PARL: variants seen among roughly 807,000 people sequenced by gnomAD.
PARL encodes presenilin associated rhomboid like.
PARL carries 44 observed loss-of-function variants against 51.6 expected under a neutral mutation model. The observed-to-expected ratio is 0.85, with a 90% CI of 0.67 to 1.10. The LOEUF is 1.10. Among genes scored for constraint, PARL ranks in the 50% least tolerant of loss-of-function variants. The pLI is 0.00. For synonymous variants in PARL, 172 were observed against 164.0 expected, an observed-to-expected ratio of 1.05 and a Z score of -0.37; for missense variants, 441 against 469.5, an observed-to-expected ratio of 0.94 and a Z score of 0.56.
rs140320037 is a variant in PARL at position 183,838,519 on chromosome 3, G to A, written c.828+2051C>T. Among the ~76,000 whole-genome samples, 59 of 152,148 alleles carry A rather than the reference G, an allele frequency of 3.9e-4. 1 individual carries two copies. The highest frequency in any genetic ancestry group is 1.0e-3 in the South Asian group (5 of 4,806). On this transcript the variant is annotated intron_variant, in intron 7 of 9. Transcript: ENST00000317096. ...TTTGGGGATAATGTTATCCTACCACGGCGCTGTAGGATTTTGATGACTGAA... is the reference window on the plus strand; with the variant it reads ...TTTGGGGATAATGTTATCCTACCACAGCGCTGTAGGATTTTGATGACTGAA...
At chr3:183,877,804 CT>C (rs35496459) in intron 1 of PARL, among the ~76,000 whole-genome samples, 72,272 of 146,656 alleles carry the variant, frequency 0.49, 17,614 homozygotes, top group Middle Eastern at 0.57. Context: ...TAATTTATTA[CT>C]TTTTTTTTTT....
intron 7 of PARL, among the ~76,000 whole-genome samples, chr3:183,838,925 T>C (rs572431558): frequency 2.0e-5 from 3 of 152,330 alleles, no homozygotes; most frequent in Admixed American, 6.5e-5. Flanking sequence ...TTTCAGTGTG[T>C]ATTAGATGTG....
At chr3:183,853,424 C>T (rs1012248068) in intron 4 of PARL, among the ~76,000 whole-genome samples, 21 of 152,074 alleles carry the variant, frequency 1.4e-4, no homozygotes, top group South Asian at 2.1e-4. Flanking sequence ...ATTAGCCAGG[C>T]GTGGTGGCAC....
chr3:183,876,024 C>T (rs1174718732), intron 1 of PARL, among the ~76,000 whole-genome samples: 1 of 152,224 alleles, frequency 6.6e-6, no homozygotes, highest in South Asian at 2.1e-4. Context: ...TTTACAGCAT[C>T]GTTTATGGAA....
At chr3:183,860,011 A>G (rs1045521059) in intron 4 of PARL, among the ~76,000 whole-genome samples, 1 of 152,142 alleles carries the variant, frequency 6.6e-6, no homozygotes, top group Non-Finnish European at 1.5e-5. Context: ...AAAGCTTTAA[A>G]AACTCTCTAG....
In PARL at chr3:183,869,545, T is replaced by C. The variant is rs1043756872; in HGVS notation, c.126-1485A>G. 3.3e-5 allele frequency among the ~76,000 whole-genome samples: 5 copies of C among 152,044 alleles called. No individual in the cohort carries two copies. In the East Asian group the frequency reaches 7.7e-4, roughly 23 times the overall value. On this transcript the variant is annotated intron_variant, in intron 1 of 9. Coordinates refer to ENST00000317096, the MANE Select transcript of PARL (RefSeq NM_018622.7). ...TATAAGGGATAATAATGTATATTAT[T>C]ATTATTAAGGGATATTATGATATCC...
At chr3:183,838,477 A>G (rs531722786) in intron 7 of PARL, among the ~76,000 whole-genome samples, 1 of 152,314 alleles carries the variant, frequency 6.6e-6, no homozygotes, top group East Asian at 1.9e-4. Context: ...AATTTTAATC[A>G]CAGATTCATT....
intron 1 of PARL, among the ~76,000 whole-genome samples, chr3:183,882,273 A>G (rs1211241057): frequency 1.9e-5 from 2 of 107,610 alleles, no homozygotes; most frequent in Non-Finnish European, 3.8e-5. Flanking sequence ...ATATATTTAT[A>G]TATATATATA....
intron 7 of PARL, among the ~76,000 whole-genome samples, chr3:183,834,297 G>A (rs187495739): frequency 1.3e-5 from 2 of 152,348 alleles, no homozygotes; most frequent in Admixed American, 6.5e-5. Context: ...GCTCACGCCT[G>A]TAATTCCAGC....
downstream of PARL, chr3:183,826,757 G>C: frequency 1.0e-6 from 1 of 985,426 alleles, no homozygotes. Flanking sequence ...ACAGGGGCCG[G>C]GTCAGAGTGA....
chr3:183,868,616 C>G (rs1732810076), intron 1 of PARL, among the ~76,000 whole-genome samples: 1 of 152,050 alleles, frequency 6.6e-6, no homozygotes, highest in Non-Finnish European at 1.5e-5. Flanking sequence ...GCCATGTTGC[C>G]CAAGCTAGTC....
chr3:183,884,815 C>T lies in PARL; in HGVS notation c.32G>A (p.Trp11Ter). Residue 11 changes from tryptophan to a stop codon, truncating the protein, a stop_gained, in exon 1 of 10, where the codon TGG becomes TAG. Transcript: ENST00000317096. LOFTEE classifies it high-confidence loss of function. ...CGCACCCCACGCCTGGCCGCAGCCC[C>T]AGCCTCTCTGCGCCCAGCCTCGCCA... MAWRGWAQRGWGCGQAWGASV... is the reference protein window; with the variant it reads MAWRGWAQRG 6.3e-7 allele frequency: 1 copy of T among 1,597,526 alleles called. No individual in the cohort carries two copies. The highest frequency in any genetic ancestry group is 8.5e-7 in the Non-Finnish European group (1 of 1,178,904).
chr3:183,883,605 C>T (rs1734800026), intron 1 of PARL: 1 of 985,190 alleles, frequency 1.0e-6, no homozygotes, highest in Admixed American at 6.2e-5. Context: ...TTAAACCATG[C>T]AATCTCAAAT....
At chr3:183,844,967 T>C (rs1160167289) in intron 4 of PARL, among the ~76,000 whole-genome samples, 2 of 152,270 alleles carry the variant, frequency 1.3e-5, no homozygotes, top group Non-Finnish European at 2.9e-5. Context: ...TTCGATAATA[T>C]AATTAACTTG....
At chr3:183,878,068 G>A (rs1734046660) in intron 1 of PARL, among the ~76,000 whole-genome samples, 1 of 152,204 alleles carries the variant, frequency 6.6e-6, no homozygotes, top group Admixed American at 6.5e-5. Context: ...TGGGATTACA[G>A]GCGTGAGCCA....
At chr3:183,858,489 G>A (rs965301600) in intron 4 of PARL, among the ~76,000 whole-genome samples, 3 of 152,152 alleles carry the variant, frequency 2.0e-5, no homozygotes, top group African/African-American at 4.8e-5. Context: ...GTTTTCTTGC[G>A]ATCTCTCTCC....
At chr3:183,845,753 A>C (rs1729874403) in intron 4 of PARL, among the ~76,000 whole-genome samples, 1 of 152,316 alleles carries the variant, frequency 6.6e-6, no homozygotes, top group East Asian at 1.9e-4. Flanking sequence ...GGTTTACCCT[A>C]TAGGAAGAGA....
intron 1 of PARL, among the ~76,000 whole-genome samples, chr3:183,872,253 C>T (rs955409618): frequency 3.7e-4 from 56 of 152,256 alleles, no homozygotes; most frequent in African/African-American, 1.3e-3. Flanking sequence ...CCACCCGCCT[C>T]GGCCTCCCAA....
At chr3:183,856,411 C>T (rs1028737066) in intron 4 of PARL, 1 of 152,496 alleles carries the variant, frequency 6.6e-6, no homozygotes, top group Non-Finnish European at 1.5e-5. Flanking sequence ...AGCCAAAGAA[C>T]TAGGCTCAAG....
Sources: allele counts gnomAD v4.1 joint callset (sites outside exome capture counted in the v4.1 genomes callset), GRCh38; gene constraint gnomAD v4.1.1; transcripts MANE v1.5; gene names NCBI Gene and HGNC (gene_info 2026-07-23, HGNC 2026-07-21).